ATAD1: variants seen among roughly 807,000 people sequenced by gnomAD.
The protein encoded by ATAD1 is ATPase family AAA domain containing 1, also known as outer mitochondrial transmembrane helix translocase.
Under a neutral mutation model 42.7 loss-of-function variants are expected in ATAD1, and 18 were observed. That is an observed-to-expected ratio of 0.42 (90% CI 0.29 to 0.63). The LOEUF (loss-of-function observed/expected upper bound fraction) is 0.63, where lower values mean the gene tolerates loss of function less well. Ranked by LOEUF, ATAD1 falls within the 20% of genes least tolerant of loss-of-function variation. The pLI is 0.19. For missense variants in ATAD1, 294 were observed against 440.4 expected (o/e 0.67, Z 2.98); for synonymous variants, 132 against 143.1 (o/e 0.92, Z 0.55).
chr10:87,757,445 C>T (rs1283806134), intron 8 of ATAD1, among the ~76,000 whole-genome samples: 2 of 152,034 alleles, frequency 1.3e-5, no homozygotes, highest in Non-Finnish European at 2.9e-5. Context: ...TCTAATCATA[C>T]TAAACTTATG....
At chr10:87,807,507 A>G (rs1856981977) in intron 2 of ATAD1, among the ~76,000 whole-genome samples, 1 of 152,184 alleles carries the variant, frequency 6.6e-6, no homozygotes, top group Admixed American at 6.5e-5. Context: ...AGGTATATCA[A>G]TTTGACTTTA....
intron 2 of ATAD1, among the ~76,000 whole-genome samples, chr10:87,806,355 G>T (rs1856924663): frequency 6.6e-6 from 1 of 151,646 alleles, no homozygotes. Flanking sequence ...TTTAGATGAG[G>T]TATAAAGAAA....
At chr10:87,790,975 G>A (rs1011988099) in intron 3 of ATAD1, among the ~76,000 whole-genome samples, 4 of 145,162 alleles carry the variant, frequency 2.8e-5, no homozygotes, top group African/African-American at 1.1e-4. Flanking sequence ...CTTGAGGTCA[G>A]GAGTTCGGGA....
chr10:87,805,115 C>G (rs767873453), intron 2 of ATAD1, among the ~76,000 whole-genome samples: 7 of 152,196 alleles, frequency 4.6e-5, no homozygotes, highest in Non-Finnish European at 1.0e-4. Context: ...CACTGATTAT[C>G]TGGTATACTC....
At chr10:87,782,577 T>TA (rs1855618937) in intron 5 of ATAD1, among the ~76,000 whole-genome samples, 1 of 152,212 alleles carries the variant, frequency 6.6e-6, no homozygotes, top group Non-Finnish European at 1.5e-5. Context: ...AGGTAGAGAT[T>TA]ACCCTTGACT....
intron 1 of ATAD1, among the ~76,000 whole-genome samples, chr10:87,840,039 A>G (rs1858003497): frequency 1.3e-5 from 2 of 152,232 alleles, no homozygotes; most frequent in South Asian, 4.1e-4. Flanking sequence ...CAATTCTAGA[A>G]TAAAAATACT....
At chr10:87,840,114 T>C (rs1054457614) in intron 1 of ATAD1, among the ~76,000 whole-genome samples, 1 of 152,268 alleles carries the variant, frequency 6.6e-6, no homozygotes, top group African/African-American at 2.4e-5. Context: ...TTAATCAGGA[T>C]ACTCTGTGAA....
chr10:87,802,531 C>A (rs528003696), intron 2 of ATAD1, among the ~76,000 whole-genome samples: 2 of 151,608 alleles, frequency 1.3e-5, no homozygotes, highest in Non-Finnish European at 2.9e-5. Context: ...GTAGGCAGGG[C>A]GCAGTGGCTC....
At chr10:87,827,774 T>C (rs1857756237) in intron 1 of ATAD1, among the ~76,000 whole-genome samples, 1 of 152,170 alleles carries the variant, frequency 6.6e-6, no homozygotes, top group South Asian at 2.1e-4. Context: ...AACCCTACAG[T>C]GGCCTTTAAA....
At chr10:87,806,848 G>T (rs575053414) in intron 2 of ATAD1, among the ~76,000 whole-genome samples, 2 of 152,110 alleles carry the variant, frequency 1.3e-5, no homozygotes, top group African/African-American at 4.8e-5. Flanking sequence ...GAGGAAGGAC[G>T]AAAGTTAATC....
chr10:87,792,076 T>C (rs774393380), intron 3 of ATAD1, among the ~76,000 whole-genome samples: 10 of 152,224 alleles, frequency 6.6e-5, no homozygotes, highest in Non-Finnish European at 1.2e-4. Flanking sequence ...AGAAAAGAGT[T>C]AACAAAGTAG....
intron 4 of ATAD1, among the ~76,000 whole-genome samples, chr10:87,789,212 A>G (rs1158415961): frequency 6.6e-6 from 1 of 152,184 alleles, no homozygotes; most frequent in African/African-American, 2.4e-5. Flanking sequence ...CACTTTTTTG[A>G]AAAATCAATG....
At chr10:87,795,113 A>C (rs911410198) in intron 2 of ATAD1, among the ~76,000 whole-genome samples, 2 of 152,166 alleles carry the variant, frequency 1.3e-5, no homozygotes, top group African/African-American at 2.4e-5. Flanking sequence ...AAATTAAAAG[A>C]AATGTCAGGA....
intron 2 of ATAD1, among the ~76,000 whole-genome samples, chr10:87,802,619 G>A (rs1244023447): frequency 1.3e-5 from 2 of 149,596 alleles, no homozygotes; most frequent in African/African-American, 2.5e-5. Flanking sequence ...CTCCAGCCTG[G>A]GTGACAGAGC....
chr10:87,787,584 T>G (rs1855897927), intron 4 of ATAD1, among the ~76,000 whole-genome samples: 1 of 152,202 alleles, frequency 6.6e-6, no homozygotes, highest in African/African-American at 2.4e-5. Flanking sequence ...CACTCCAGCC[T>G]GGTGACAGTA....
At chr10:87,824,548 A>G (rs1288363441) in intron 1 of ATAD1, among the ~76,000 whole-genome samples, 1 of 152,226 alleles carries the variant, frequency 6.6e-6, no homozygotes, top group Non-Finnish European at 1.5e-5. Context: ...GAGACAATAC[A>G]TGTACAGTGC....
chr10:87,784,765 T>G (rs1855747258), intron 4 of ATAD1, 95 bp from the exon 5 acceptor site: 1 of 1,136,320 alleles, frequency 8.8e-7, no homozygotes, highest in Non-Finnish European at 1.2e-6. Context: ...ACAAAAAACT[T>G]TCCCAATATT....
chr10:87,764,264 A>G (rs551786744), intron 8 of ATAD1, among the ~76,000 whole-genome samples: 14 of 152,236 alleles, frequency 9.2e-5, no homozygotes, highest in African/African-American at 3.4e-4. Flanking sequence ...CTTCGAGAGC[A>G]GCCTGGACAA....
At chr10:87,791,805 A>G (rs954808468) in intron 3 of ATAD1, among the ~76,000 whole-genome samples, 10 of 146,620 alleles carry the variant, frequency 6.8e-5, no homozygotes, top group African/African-American at 2.8e-4. Context: ...CATCAATCTC[A>G]TCCTCAAAAT....
Sources: allele counts gnomAD v4.1 joint callset (sites outside exome capture counted in the v4.1 genomes callset), GRCh38; gene constraint gnomAD v4.1.1; transcripts MANE v1.5; gene names NCBI Gene and HGNC (gene_info 2026-07-23, HGNC 2026-07-21).